Variants in SHANK1 observed in about 807,000 individuals in gnomAD.
The protein encoded by SHANK1 is SH3 and multiple ankyrin repeat domains 1, also known as SH3 and multiple ankyrin repeat domains protein 1.
In SHANK1, 35 loss-of-function variants were observed where a neutral mutation model predicts 165.6. That is an observed-to-expected ratio of 0.21 (90% CI 0.16 to 0.28). SHANK1 has a LOEUF of 0.28. Ranked by LOEUF, SHANK1 falls within the 10% of genes least tolerant of loss-of-function variation. The pLI is 1.00. For missense variants in SHANK1, 2,681 were observed against 3,036.4 expected (o/e 0.88, Z 2.75); for synonymous variants, 1,428 against 1,384.8 (o/e 1.03, Z -0.69).
intron 22 of SHANK1, 33 bp downstream of exon 22, chr19:50,671,985 C>A (rs376862785): frequency 6.5e-7 from 1 of 1,527,954 alleles, no homozygotes; most frequent in Non-Finnish European, 9.0e-7. Flanking sequence ...TGGCCTCCCC[C>A]AGCCCCCACA....
intron 12 of SHANK1, among the ~76,000 whole-genome samples, chr19:50,700,673 G>T (rs370775241): frequency 1.3e-5 from 2 of 152,156 alleles, no homozygotes; most frequent in South Asian, 4.1e-4. Flanking sequence ...GGAAGACGAG[G>T]ATATAAAAAC....
Position 50,716,567 on chromosome 19 carries a change from G to T in SHANK1, c.256-89C>A. ...GGGAAGTGAGCCAGGAGCTGAGTGT[G>T]GGGGTGATTCCTGGGAGGATACCCA... On this transcript the variant is annotated intron_variant, in intron 2 of 23. Transcript: ENST00000293441. This position sits in a 1 kb window ranked among gnomAD's most constrained non-coding sequence, Gnocchi z 8.4. The T allele has an allele frequency of 6.4e-7, 1 of 1,566,456 alleles. No homozygotes were observed. The highest frequency in any genetic ancestry group is 1.3e-5 in the African/African-American group (1 of 74,134).
chr19:50,665,306 G>A (rs1054727506), intron 23 of SHANK1, among the ~76,000 whole-genome samples: 4 of 152,030 alleles, frequency 2.6e-5, no homozygotes, highest in Non-Finnish European at 5.9e-5. Context: ...GCTCATGTGT[G>A]GAATCTCAGC....
rs951642786 is a variant in SHANK1, at chr19:50,719,684, G to T, written c.-322C>A. Among the ~76,000 whole-genome samples the T allele has an allele frequency of 2.4e-3, 357 of 147,258 alleles. 2 individuals carry two copies. The highest frequency in any genetic ancestry group is 3.9e-3 in the Non-Finnish European group (260 of 66,202). On this transcript the variant is annotated 5_prime_UTR_variant, in exon 1 of 24. Coordinates refer to ENST00000293441, the MANE Select transcript of SHANK1 (RefSeq NM_016148.5). ...CGCCCGCCCCCGGCTCGGTCCGGCC[G>T]GCTCCGGGCGCCGCGTCTCCGCCTG...
rs1441180972 is a variant in SHANK1, at chr19:50,687,600, A to G, written c.2371T>C (p.Ser791Pro). 1 of 1,545,908 alleles carries G rather than the reference A, an allele frequency of 6.5e-7. No homozygotes were observed. Among genetic ancestry groups the G allele is most frequent in the Non-Finnish European group, 8.7e-7 (1 of 1,144,858 alleles). The change falls in exon 19 of 24, where the codon TCA becomes CCA. Residue 791 changes from serine to proline, a missense_variant. Transcript: ENST00000293441. Reference protein sequence around the residue: ...TISLRSKSMTSELEEMEYEQQ... With the variant: ...TISLRSKSMTPELEEMEYEQQ... Reference sequence around the variant, plus strand: ...GGCTCACCCATCTCCTCCAGCTCTGAGGTCATAGATTTGGAACGCAGGGAG... The same window carrying G: ...GGCTCACCCATCTCCTCCAGCTCTGGGGTCATAGATTTGGAACGCAGGGAG...
intron 23 of SHANK1, among the ~76,000 whole-genome samples, chr19:50,663,654 G>A (rs956803660): frequency 6.6e-6 from 1 of 151,842 alleles, no homozygotes. Context: ...TCACCCAGAA[G>A]GGCACTCTGC....
Position 50,688,774 on chromosome 19 carries a change from TG to T in SHANK1, c.2172+69del. 1.3e-6 allele frequency: 2 copies of T among 1,513,902 alleles called. No individual in the cohort carries two copies. The highest frequency in any genetic ancestry group is 1.3e-5 in the South Asian group (1 of 79,936). The allele number at this position is 1,513,902 out of a possible 1,614,324, so 93.8% of individuals were successfully genotyped here. On this transcript the variant is annotated intron_variant, in intron 17 of 23. Coordinates refer to ENST00000293441, the MANE Select transcript of SHANK1 (RefSeq NM_016148.5). This position sits in a 1 kb window ranked among gnomAD's most constrained non-coding sequence, Gnocchi z 6.7. The stretch of plus-strand genomic sequence containing the variant: ...AGAATAAAACTGGGCAGCCAGATCC[TG>T]GTGTGAATCATGAGGGGGTCTGGGA...
chr19:50,682,245 G>A (rs1408694965), intron 21 of SHANK1, among the ~76,000 whole-genome samples: 3 of 151,736 alleles, frequency 2.0e-5, no homozygotes, highest in African/African-American at 4.8e-5. Flanking sequence ...TAGTAGAGAC[G>A]GGGTTTCACT....
chr19:50,683,198 C>A (rs559693173), intron 21 of SHANK1, among the ~76,000 whole-genome samples: 2 of 152,272 alleles, frequency 1.3e-5, no homozygotes, highest in South Asian at 4.1e-4. Flanking sequence ...TTTTGCCCCC[C>A]AGAGGACGTT....
intron 4 of SHANK1, among the ~76,000 whole-genome samples, chr19:50,714,587 C>T (rs1270056614): frequency 6.7e-6 from 1 of 149,566 alleles, no homozygotes; most frequent in African/African-American, 2.5e-5. Context: ...CCCAGCTACT[C>T]GGGAGGCTGA....
Position 50,702,426 on chromosome 19 carries a change from A to AAAGCC in SHANK1, c.1747+40_1747+41insGGCTT. The AAAGCC allele has an allele frequency of 1.3e-6, 2 of 1,554,958 alleles. No individual in the cohort carries two copies. The highest frequency in any genetic ancestry group is 1.7e-6 in the Non-Finnish European group (2 of 1,147,630). The stretch of plus-strand genomic sequence containing the variant: ...CTCCACATTTTCCCTGATCGCCCCC[A>AAAGCC]CAGCCCAGCCCAGCCCAGGCCCTGC... On this transcript the variant is annotated intron_variant, in intron 12 of 23. Coordinates refer to ENST00000293441, the MANE Select transcript of SHANK1 (RefSeq NM_016148.5). This position sits in a 1 kb window ranked among gnomAD's most constrained non-coding sequence, Gnocchi z 5.3.
rs147548184 is a variant in SHANK1, at chr19:50,704,443, G to A, written c.1149C>T (p.Pro383=). 20,047 of 1,613,868 alleles carry A rather than the reference G, an allele frequency of 0.012. 925 individuals are homozygous for A. In the Admixed American group the frequency reaches 0.15, roughly 12 times the overall value. Residue 383 remains proline (P), a synonymous_variant, in exon 9 of 24, where the codon CCC becomes CCT. Coordinates refer to ENST00000293441, the MANE Select transcript of SHANK1 (RefSeq NM_016148.5). The part of the protein sequence containing the change: ...KDVKNNNGQT[P]FQVAVIAGNF... ...ATCCCCTGCAGCCCCAGACCTGGAA[G>A]GGGGTCTGTCCGTTGTTGTTCTTCA...
chr19:50,669,899 A>C (rs1198615160), intron 22 of SHANK1, among the ~76,000 whole-genome samples: 1 of 151,902 alleles, frequency 6.6e-6, no homozygotes, highest in East Asian at 1.9e-4. Context: ...GGGAAAAACA[A>C]CTCCAGGAGG....
rs1986384340 is a variant in SHANK1 at position 50,687,345 on chromosome 19, CAGACCCTGAGAG to C, written c.2389+225_2389+236del. On this transcript the variant is annotated intron_variant, in intron 19 of 23. Transcript: ENST00000293441. ...GAGAGACCCGCAGAGAGGGTACATA[CAGACCCTGAGAG>C]AGACCCCAACGGAGAAACAGATACA... 2.0e-5 allele frequency among the ~76,000 whole-genome samples: 3 copies of C among 152,024 alleles called. No homozygotes were observed. In the South Asian group the frequency reaches 6.2e-4, roughly 32 times the overall value.
chr19:50,667,210 G>C lies in SHANK1; in HGVS notation c.4750C>G (p.Leu1584Val). The part of the protein sequence containing the change: ...SNSFEKPESP[L>V]TPGPPHPLPD... ...AGCGGGTGGGGAGGCCCAGGCGTGA[G>C]GGGCGACTCTGGCTTTTCGAAGCTG... Residue 1584 changes from leucine (L) to valine (V), a missense_variant, in exon 23 of 24, where the codon CTC (leucine) becomes GTC (valine). Coordinates refer to ENST00000293441, the MANE Select transcript of SHANK1 (RefSeq NM_016148.5). The surrounding 1 kb of genome is among the most constrained non-coding windows in gnomAD (Gnocchi z 5.7). The C allele has an allele frequency of 6.3e-7, 1 of 1,579,770 alleles. No homozygotes were observed. The highest frequency in any genetic ancestry group is 8.5e-7 in the Non-Finnish European group (1 of 1,170,500).
Position 50,718,890 on chromosome 19 carries a change from C to G in SHANK1, c.-44+516G>C, listed in dbSNP as rs2089099901. On this transcript the variant is annotated intron_variant, in intron 1 of 23. Transcript: ENST00000293441. This position sits in a 1 kb window ranked among gnomAD's most constrained non-coding sequence, Gnocchi z 5.1. ...GGCCGGCGGTGTAGGGACTGGAGAC[C>G]TGGTGGGGACGCAGGGAGCTTGGAC... Among the ~76,000 whole-genome samples the G allele has an allele frequency of 6.6e-6, 1 of 151,206 alleles. No individual in the cohort carries two copies. Among genetic ancestry groups the G allele is most frequent in the Admixed American group, 6.6e-5 (1 of 15,230 alleles).
chr19:50,702,647 G>T lies in SHANK1; in HGVS notation c.1567C>A (p.Pro523Thr), dbSNP rs1054644375. The stretch of plus-strand genomic sequence containing the variant: ...GTGCCCCCGGCTGGCCCTTCCCGGG[G>T]TGTCCCGCTGGAGCTGCGTACACAG... ...PRGRPSSSGT[P>T]REGPAGGTGG... Residue 523 changes from proline (P) to threonine (T), a missense_variant, in exon 12 of 24, where the codon CCC becomes ACC. Pro to Thr is a conservative substitution (Grantham distance 38). Around this residue, in one of 10 missense-constraint regions of SHANK1, gnomAD observed 195 missense variants for 186.2 expected, o/e 1.05. Transcript: ENST00000293441. This position sits in a 1 kb window ranked among gnomAD's most constrained non-coding sequence, Gnocchi z 5.3. 3 of 1,572,000 alleles carry T rather than the reference G, an allele frequency of 1.9e-6. No individual in the cohort carries two copies. Among genetic ancestry groups the T allele is most frequent in the African/African-American group, 1.3e-5 (1 of 74,098 alleles).
chr19:50,702,535 A>T lies in SHANK1; in HGVS notation c.1679T>A (p.Met560Lys), dbSNP rs759198056. The T allele has an allele frequency of 6.2e-7, 1 of 1,613,328 alleles. No homozygotes were observed. Among genetic ancestry groups the T allele is most frequent in the Non-Finnish European group, 8.5e-7 (1 of 1,179,910 alleles). ...TTGGGCCTGGTAGGACTTCACAGCCATGAAGGAGCGTCCGGGTACCGCTGA... is the reference window on the plus strand; with the variant it reads ...TTGGGCCTGGTAGGACTTCACAGCCTTGAAGGAGCGTCCGGGTACCGCTGA... Reference protein sequence around the residue: ...LYSAVPGRSFMAVKSYQAQAE... With the variant: ...LYSAVPGRSFKAVKSYQAQAE... The change falls in exon 12 of 24, where the codon ATG becomes AAG. Residue 560 changes from methionine (M) to lysine (K), a missense_variant. Coordinates refer to ENST00000293441, the MANE Select transcript of SHANK1 (RefSeq NM_016148.5). This position sits in a 1 kb window ranked among gnomAD's most constrained non-coding sequence, Gnocchi z 5.3.
chr19:50,679,719 T>C (rs1052091690), intron 21 of SHANK1, among the ~76,000 whole-genome samples: 1 of 151,128 alleles, frequency 6.6e-6, no homozygotes, highest in African/African-American at 2.4e-5. Context: ...TGAGAGGGGA[T>C]AGGGGAGAGA....
Sources: allele counts gnomAD v4.1 joint callset (sites outside exome capture counted in the v4.1 genomes callset), GRCh38; gene constraint gnomAD v4.1.1; regional missense constraint gnomAD v4.1.1; non-coding constraint Gnocchi (gnomAD v3.1); transcripts MANE v1.5; gene names NCBI Gene and HGNC (gene_info 2026-07-23, HGNC 2026-07-21).